Variants in INO80 observed in about 807,000 individuals in gnomAD.
The protein encoded by INO80 is chromatin-remodeling ATPase INO80.
A neutral mutation model predicts 203.4 loss-of-function variants in INO80; 20 were observed. The ratio of observed to expected loss-of-function variants is 0.10; its 90% CI spans 0.07 to 0.14. The LOEUF is 0.14. INO80 is among the 10% of genes least tolerant of loss of function. The probability of loss-of-function intolerance (pLI) is 1.00; values close to 1 mark genes in which losing one functional copy is unlikely to be tolerated. For missense variants in INO80, 1,419 were observed against 1,914.4 expected (o/e 0.74, Z 4.83); for synonymous variants, 726 against 685.2 (o/e 1.06, Z -0.93).
intron 19 of INO80, among the ~76,000 whole-genome samples, chr15:41,051,202 C>G (rs2044864808): frequency 6.6e-6 from 1 of 151,182 alleles, no homozygotes; most frequent in African/African-American, 2.4e-5. Context: ...ATCATAACCT[C>G]CTCACATACC....
chr15:41,082,596 G>A (rs957368803), intron 7 of INO80, among the ~76,000 whole-genome samples: 6 of 152,046 alleles, frequency 3.9e-5, no homozygotes, highest in Non-Finnish European at 8.8e-5. Context: ...AGCTACCCAG[G>A]AGGGAGCTAC....
chr15:41,101,351 C>T (rs1448157806), intron 1 of INO80, among the ~76,000 whole-genome samples: 7 of 152,150 alleles, frequency 4.6e-5, no homozygotes, highest in Non-Finnish European at 1.0e-4. Flanking sequence ...CCACCTTCTA[C>T]CAATTGTTTC....
chr15:41,017,616 CG>C (rs1268465670), intron 26 of INO80: 4 of 152,196 alleles, frequency 2.6e-5, no homozygotes, highest in African/African-American at 9.7e-5. Context: ...GGAACAAGAA[CG>C]GATGTGCTGA....
chr15:41,074,474 T>A lies in INO80; in HGVS notation c.1223A>T (p.Asp408Val). 1 of 1,613,960 alleles carries A rather than the reference T, an allele frequency of 6.2e-7. No individual in the cohort carries two copies. ...FMSRKRDMGH[D>V]GIQEEILRKL... The stretch of plus-strand genomic sequence containing the variant: ...CCTTAGGATTTCTTCCTGGATACCA[T>A]CATGACCCATATCTCGTTTGCGACT... Residue 408 changes from aspartate (D) to valine (V), a missense_variant, in exon 10 of 36, where the codon GAT (aspartate) becomes GTT (valine). Physicochemically the swap from Asp to Val is radical, Grantham distance 152 (BLOSUM62 -3). Transcript: ENST00000648947.
At chr15:41,016,446 A>G (rs1232290680) in intron 26 of INO80, among the ~76,000 whole-genome samples, 1 of 152,242 alleles carries the variant, frequency 6.6e-6, no homozygotes. Flanking sequence ...GATCACTCCC[A>G]ATCAGACATG....
At chr15:41,103,941 C>A (rs116308967) in intron 1 of INO80, among the ~76,000 whole-genome samples, 1 of 151,908 alleles carries the variant, frequency 6.6e-6, no homozygotes, top group East Asian at 1.9e-4. Flanking sequence ...GACTGCCAGG[C>A]GCAGTGGCTC....
rs760373123 is a variant in INO80 at position 41,114,708 on chromosome 15, C to CAA, written c.-44+1263_-44+1264dup. On this transcript the variant is annotated intron_variant, in intron 1 of 35. Transcript: ENST00000648947. ...TGGACGACAGAGCGAGACTCAGTCTCAAAAAAAAAAAAAAAAAGGAATTAA... is the reference window on the plus strand; with the variant it reads ...TGGACGACAGAGCGAGACTCAGTCTCAAAAAAAAAAAAAAAAAAAGGAATTAA... 2.9e-4 allele frequency among the ~76,000 whole-genome samples: 19 copies of CAA among 65,860 alleles called. No individual in the cohort carries two copies. In the South Asian group the frequency reaches 5.3e-3, roughly 18 times the overall value. The allele number at this position is 65,860 out of a possible 152,430, so 43.2% of individuals were successfully genotyped here.
intron 4 of INO80, among the ~76,000 whole-genome samples, chr15:41,094,407 T>C (rs2045689881): frequency 6.6e-6 from 1 of 152,184 alleles, no homozygotes; most frequent in Non-Finnish European, 1.5e-5. Context: ...ACCCTGGATA[T>C]AAGATGGTTC....
chr15:41,047,508 TATAAA>T lies in INO80; in HGVS notation c.2642-12_2642-8del, dbSNP rs1566927314. 3 of 1,579,660 alleles carry T rather than the reference TATAAA, an allele frequency of 1.9e-6. No homozygotes were observed. Among genetic ancestry groups the T allele is most frequent in the South Asian group, 2.2e-5 (2 of 89,652 alleles). ...CAGCTTTCTTCATTAATACCTGAAATATAAAAGACAATTTGAAACCCAACAGCAAA... is the reference window on the plus strand; with the variant it reads ...CAGCTTTCTTCATTAATACCTGAAATAGACAATTTGAAACCCAACAGCAAA... On this transcript the variant is annotated splice_polypyrimidine_tract_variant and splice_region_variant and intron_variant, in intron 22 of 35. Coordinates refer to ENST00000648947, the MANE Select transcript of INO80 (RefSeq NM_017553.3).
rs555914776 is a variant in INO80 at position 41,056,804 on chromosome 15, C to G, written c.1986-98G>C. On this transcript the variant is annotated intron_variant, in intron 16 of 35. Coordinates refer to ENST00000648947, the MANE Select transcript of INO80 (RefSeq NM_017553.3). ...ATTGACAAAAATGCCTTCCAAAAAA[C>G]TAACATTCAGAATCAAGTACTCCAT... The G allele has an allele frequency of 1.2e-5, 11 of 918,276 alleles. 1 individual carries two copies. The Admixed American group carries it at 2.2e-4, about 18-fold the overall frequency. The allele number at this position is 918,276 out of a possible 1,614,324, so 56.9% of individuals were successfully genotyped here.
intron 27 of INO80, among the ~76,000 whole-genome samples, chr15:41,008,457 A>G (rs1480579911): frequency 1.3e-5 from 2 of 152,196 alleles, no homozygotes; most frequent in Admixed American, 6.5e-5. Flanking sequence ...GTCAAAGGGT[A>G]CAAAGGTTCA....
intron 32 of INO80, 85 bp downstream of exon 32, chr15:40,985,253 G>C: frequency 1.1e-6 from 1 of 910,774 alleles, no homozygotes; most frequent in Non-Finnish European, 1.8e-6. Context: ...CAGTAACCAA[G>C]ATGAGAAGCC....
chr15:41,051,307 C>A (rs2044866807), intron 19 of INO80, among the ~76,000 whole-genome samples: 1 of 151,882 alleles, frequency 6.6e-6, no homozygotes, highest in Admixed American at 6.6e-5. Context: ...CCTAGCCCCC[C>A]ATTCCCACCA....
intron 5 of INO80, 38 bp from the exon 6 acceptor site, chr15:41,087,720 T>C (rs754572976): frequency 2.9e-5 from 46 of 1,570,392 alleles, no homozygotes; most frequent in Non-Finnish European, 3.4e-5. Context: ...CTGTTTTCTA[T>C]AGTACAGCTT....
intron 24 of INO80, among the ~76,000 whole-genome samples, chr15:41,033,518 C>T (rs1216498571): frequency 6.6e-6 from 1 of 152,104 alleles, no homozygotes; most frequent in Non-Finnish European, 1.5e-5. Flanking sequence ...AAATCACACT[C>T]TTTATCCACT....
chr15:41,087,481 A>G, intron 6 of INO80, 81 bp downstream of exon 6: 1 of 1,418,978 alleles, frequency 7.0e-7, no homozygotes, highest in Non-Finnish European at 9.7e-7. Flanking sequence ...ACTTATATAT[A>G]AAGTCCAAAT....
intron 5 of INO80, among the ~76,000 whole-genome samples, chr15:41,090,023 A>C (rs975498425): frequency 1.3e-5 from 2 of 152,242 alleles, no homozygotes; most frequent in Admixed American, 6.5e-5. Flanking sequence ...AAACCTGTAC[A>C]CAAATCTTCA....
chr15:41,024,858 G>A (rs2044352663), intron 25 of INO80, among the ~76,000 whole-genome samples: 1 of 152,188 alleles, frequency 6.6e-6, no homozygotes, highest in Non-Finnish European at 1.5e-5. Flanking sequence ...AGATGGGTTA[G>A]AAGTCAATAT....
At chr15:41,060,040 T>G (rs1484313923) in intron 14 of INO80, 114 bp from the exon 15 acceptor site, 1 of 678,174 alleles carries the variant, frequency 1.5e-6, no homozygotes, top group Non-Finnish European at 2.4e-6. Flanking sequence ...GCATAGGAAT[T>G]CCTCTCCTGC....
Sources: gnomAD v4.1 joint callset for allele counts (sites outside exome capture counted in the v4.1 genomes callset) on GRCh38, gnomAD v4.1.1 for gene constraint, MANE v1.5 for transcripts, NCBI Gene and HGNC (gene_info 2026-07-23, HGNC 2026-07-21) for gene names.